Variants in IGF2R observed in about 807,000 individuals in gnomAD.
IGF2R encodes the protein cation-independent mannose-6-phosphate receptor.
A neutral mutation model predicts 270.6 loss-of-function variants in IGF2R; 91 were observed. The ratio of observed to expected loss-of-function variants is 0.34; its 90% confidence interval spans 0.28 to 0.40. The LOEUF is 0.40. Ranked by LOEUF, IGF2R falls within the 10% of genes least tolerant of loss-of-function variation. The probability of loss-of-function intolerance (pLI) is 1.00; values close to 1 mark genes in which losing one functional copy is unlikely to be tolerated. For missense variants in IGF2R, 2,805 were observed against 3,188.3 expected, an observed-to-expected ratio of 0.88 and a Z score of 2.90; for synonymous variants, 1,316 against 1,258.9, an observed-to-expected ratio of 1.05 and a Z score of -0.96.
chr6:160,006,058 A>G (rs1319841313), intron 2 of IGF2R: 2 of 90,756 alleles, frequency 2.2e-5, no homozygotes, highest in Non-Finnish European at 4.4e-5. Flanking sequence ...CCCCTGTACC[A>G]CCCGGCATCC....
chr6:160,096,292 G>A (rs932056880), intron 44 of IGF2R, 147 bp from the exon 45 acceptor site: 8 of 675,280 alleles, frequency 1.2e-5, no homozygotes, highest in African/African-American at 7.2e-5. Context: ...CTCGTAAGCT[G>A]TGAACAGAGT....
intron 1 of IGF2R, among the ~76,000 whole-genome samples, chr6:159,977,571 G>T (rs1783713852): frequency 6.6e-6 from 1 of 152,246 alleles, no homozygotes; most frequent in Admixed American, 6.5e-5. Context: ...GATCTGGATT[G>T]TTGAGTTGGC....
At chr6:159,995,728 A>G (rs1285607262) in intron 2 of IGF2R, among the ~76,000 whole-genome samples, 1 of 151,974 alleles carries the variant, frequency 6.6e-6, no homozygotes, top group Non-Finnish European at 1.5e-5. Context: ...TTTAGATCCT[A>G]TATTTTTCCG....
intron 10 of IGF2R, among the ~76,000 whole-genome samples, chr6:160,036,996 G>A (rs1032153745): frequency 6.6e-6 from 1 of 152,070 alleles, no homozygotes; most frequent in Non-Finnish European, 1.5e-5. Context: ...TTTCAAACAT[G>A]GAACATTAAA....
chr6:160,107,455 G>GT lies in IGF2R; in HGVS notation c.*2372dup, dbSNP rs1266098999. The GT allele has an allele frequency of 6.6e-6, 1 of 152,252 alleles. No individual in the cohort carries two copies. The highest frequency in any genetic ancestry group is 6.5e-5 in the Admixed American group (1 of 15,290). The allele number at this position is 152,252 out of a possible 1,614,324, so 9.4% of individuals were successfully genotyped here. A position where few individuals can be genotyped will look rare whatever the true frequency, so the allele number is the denominator to read the frequency against. ...AGAAACCCAAGCCTCTGAAAAAAGA[G>GT]TAACTACTTGCCAGCTGTTGTTACA... On this transcript the variant is annotated 3_prime_UTR_variant, in exon 48 of 48. Coordinates refer to ENST00000356956, the MANE Select transcript of IGF2R (RefSeq NM_000876.4).
Position 160,104,743 on chromosome 6 carries a change from C to T in IGF2R, c.7135C>T (p.Pro2379Ser), listed in dbSNP as rs372915301. Residue 2379 changes from proline to serine, a missense_variant, in exon 48 of 48, where the codon CCA becomes TCA. Pro to Ser is a moderately conservative substitution (Grantham distance 74). Transcript: ENST00000356956. ...WLMEEIQLPP[P>S]RQGKEGQENG... is the part of the protein sequence containing the mutation. ...GATGGAAGAGATCCAGCTGCCTCCT[C>T]CACGGCAGGGAAAGGAAGGGCAGGA... 3.7e-6 allele frequency: 6 copies of T among 1,614,072 alleles called. No individual in the cohort carries two copies. The highest frequency in any genetic ancestry group is 4.2e-6 in the Non-Finnish European group (5 of 1,179,996).
chr6:160,044,604 A>G lies in IGF2R; in HGVS notation c.1712A>G (p.Asp571Gly). 1 of 1,611,136 alleles carries G rather than the reference A, an allele frequency of 6.2e-7. No homozygotes were observed. The change falls in exon 13 of 48, where the codon GAT (aspartate) becomes GGT (glycine). Residue 571 changes from aspartate to glycine, a missense_variant. This residue lies in a region of IGF2R where 954 missense variants were observed against 981.1 expected (regional missense o/e 0.97). Coordinates refer to ENST00000356956, the MANE Select transcript of IGF2R (RefSeq NM_000876.4). Reference sequence around the variant, plus strand: ...CAACTCTCTTATTCAGATGGTGATGATTGTGGTCATGGCAAGAAAATTAAA... The same window carrying G: ...CAACTCTCTTATTCAGATGGTGATGGTTGTGGTCATGGCAAGAAAATTAAA... The part of the protein sequence containing the change: ...NIQLSYSDGD[D>G]CGHGKKIKTN...
intron 36 of IGF2R, among the ~76,000 whole-genome samples, chr6:160,076,905 C>T (rs540706998): frequency 1.3e-5 from 2 of 152,228 alleles, no homozygotes; most frequent in Admixed American, 1.3e-4. Context: ...CTCATCTGAC[C>T]CCTAGGAGTT....
intron 30 of IGF2R, 111 bp downstream of exon 30, chr6:160,068,496 G>A: frequency 6.6e-7 from 1 of 1,516,434 alleles, no homozygotes; most frequent in African/African-American, 1.4e-5. Flanking sequence ...TGTATCACAG[G>A]CTGGCACTGG....
intron 4 of IGF2R, among the ~76,000 whole-genome samples, chr6:160,017,969 CAGTT>C (rs1403671748): frequency 7.2e-5 from 11 of 152,066 alleles, no homozygotes; most frequent in South Asian, 4.1e-4. Context: ...AACTAGGAAA[CAGTT>C]AGCATTATGA....
intron 25 of IGF2R, 82 bp from the exon 26 acceptor site, chr6:160,062,450 G>A: frequency 9.7e-7 from 1 of 1,033,908 alleles, no homozygotes; most frequent in Non-Finnish European, 1.5e-6. Flanking sequence ...GAGATTACAG[G>A]TGTGAGCCAC....
At chr6:159,970,293 T>C (rs1394483153) in intron 1 of IGF2R, among the ~76,000 whole-genome samples, 1 of 152,214 alleles carries the variant, frequency 6.6e-6, no homozygotes, top group East Asian at 1.9e-4. Flanking sequence ...TTTTAAACTT[T>C]GGTAAAAAGG....
rs888327107 is a variant in IGF2R at position 160,089,162 on chromosome 6, G to T, written c.6376G>T (p.Ala2126Ser). The change falls in exon 43 of 48, where the codon GCC becomes TCC. Residue 2126 changes from alanine to serine, a missense_variant. Physicochemically the swap from Ala to Ser is moderately conservative, Grantham distance 99. Transcript: ENST00000356956. ...YFSWDSRAAC[A>S]VKPQEVQMVN... ...CAGCTGGGACTCCCGGGCTGCCTGCGCCGTGAAGCCTCAGGAGGTGCAGAT... is the reference window on the plus strand; with the variant it reads ...CAGCTGGGACTCCCGGGCTGCCTGCTCCGTGAAGCCTCAGGAGGTGCAGAT... 1 of 1,613,936 alleles carries T rather than the reference G, an allele frequency of 6.2e-7. No individual in the cohort carries two copies. The highest frequency in any genetic ancestry group is 1.7e-5 in the Admixed American group (1 of 60,004).
intron 44 of IGF2R, among the ~76,000 whole-genome samples, chr6:160,091,686 G>A (rs924057492): frequency 4.6e-5 from 7 of 152,244 alleles, no homozygotes; most frequent in Non-Finnish European, 7.3e-5. Context: ...GAATCCTTCA[G>A]TCATTCAGAA....
rs2230044 is a variant in IGF2R, at chr6:160,072,802, G to A, written c.4608G>A (p.Ala1536=). The stretch of plus-strand genomic sequence containing the variant: ...ATCTGAGCTCCTTAAGTGGCAGGGC[G>A]GGATTCACAGCTGCTTACAGCGAGA... ...LFDLSSLSGR[A]GFTAAYSEKG... is the part of the protein sequence containing the mutation. Residue 1536 remains alanine, a synonymous_variant, in exon 33 of 48, where the codon GCG becomes GCA. Coordinates refer to ENST00000356956, the MANE Select transcript of IGF2R (RefSeq NM_000876.4). The A allele has an allele frequency of 0.026, 42,524 of 1,614,086 alleles. 1,237 individuals are homozygous for A. Among genetic ancestry groups the A allele is most frequent in the East Asian group, 0.11 (5,136 of 44,868 alleles).
chr6:160,035,097 A>C (rs1777787443), intron 10 of IGF2R, among the ~76,000 whole-genome samples: 2 of 152,120 alleles, frequency 1.3e-5, no homozygotes, highest in South Asian at 4.1e-4. Context: ...ACGATTGTAG[A>C]CACAGTTGTA....
intron 4 of IGF2R, among the ~76,000 whole-genome samples, chr6:160,018,576 A>T (rs1417844033): frequency 1.3e-5 from 2 of 152,194 alleles, no homozygotes; most frequent in Non-Finnish European, 2.9e-5. Flanking sequence ...CATACCAAAA[A>T]ACAAGTCTCA....
intron 37 of IGF2R, 92 bp downstream of exon 37, chr6:160,078,454 T>C: frequency 1.6e-6 from 2 of 1,245,264 alleles, no homozygotes; most frequent in Non-Finnish European, 1.2e-6. Context: ...ATGTGGTACC[T>C]GTGAGCTGAG....
chr6:160,046,355 A>T (rs192307094), intron 14 of IGF2R, 143 bp from the exon 15 acceptor site: 15 of 705,196 alleles, frequency 2.1e-5, no homozygotes, highest in Admixed American at 1.3e-4. Flanking sequence ...CTCAAGGGGC[A>T]GCGTCTCTTC....
Sources: gnomAD v4.1 joint callset for allele counts (sites outside exome capture counted in the v4.1 genomes callset) on GRCh38, gnomAD v4.1.1 for gene constraint, gnomAD v4.1.1 regional missense constraint, MANE v1.5 for transcripts, NCBI Gene and HGNC (gene_info 2026-07-23, HGNC 2026-07-21) for gene names.